The following DGKG variants were observed in gnomAD, a reference collection of about 807,000 sequenced individuals.
DGKG encodes diacylglycerol kinase gamma.
Under a neutral mutation model 105.3 loss-of-function variants are expected in DGKG, and 78 were observed. That is an observed-to-expected ratio of 0.74 (90% CI 0.62 to 0.89). DGKG has a LOEUF of 0.89. Among genes scored for constraint, DGKG ranks in the 40% least tolerant of loss-of-function variants. The pLI, the probability that DGKG is intolerant of heterozygous loss-of-function variation, is 0.00. For missense variants in DGKG, 958 were observed against 1,020.1 expected (o/e 0.94, Z 0.83); for synonymous variants, 346 against 367.1 (o/e 0.94, Z 0.66).
chr3:186,337,431 A>G (rs1334084191), intron 1 of DGKG, among the ~76,000 whole-genome samples: 1 of 152,142 alleles, frequency 6.6e-6, no homozygotes, highest in African/African-American at 2.4e-5. Context: ...AAACAAACAA[A>G]ACCTTTAAGC....
At chr3:186,285,679 C>CTTTTTTTT (rs34275225) in intron 6 of DGKG, among the ~76,000 whole-genome samples, 2 of 133,246 alleles carry the variant, frequency 1.5e-5, no homozygotes, top group Admixed American at 1.5e-4. Flanking sequence ...TTCTTTCTTT[C>CTTTTTTTT]TTTTTTTTTT....
chr3:186,253,813 G>A (rs181634657), intron 17 of DGKG, among the ~76,000 whole-genome samples: 1 of 152,178 alleles, frequency 6.6e-6, no homozygotes, highest in Non-Finnish European at 1.5e-5. Context: ...AACAGGTGGG[G>A]CTAGGACACT....
At chr3:186,278,813 A>G (rs2108593499) in intron 9 of DGKG, among the ~76,000 whole-genome samples, 1 of 152,226 alleles carries the variant, frequency 6.6e-6, no homozygotes, top group South Asian at 2.1e-4. Flanking sequence ...CTCTCTATGG[A>G]ATAGTCTCAA....
chr3:186,231,235 T>C lies in DGKG; in HGVS notation c.1826+11269A>G, dbSNP rs1179031736. Among the ~76,000 whole-genome samples, 1 of 152,176 alleles carries C rather than the reference T, an allele frequency of 6.6e-6. No homozygotes were observed. Among genetic ancestry groups the C allele is most frequent in the Non-Finnish European group, 1.5e-5 (1 of 68,030 alleles). ...TTTTCTCATGGGCCCTTTAATCATA[T>C]CTATGGCTCTTTTCTAGTCTTTTTT... On this transcript the variant is annotated intron_variant, in intron 20 of 24. Transcript: ENST00000265022. The surrounding 1 kb of genome is among the most constrained non-coding windows in gnomAD (Gnocchi z 4.5).
intron 5 of DGKG, among the ~76,000 whole-genome samples, chr3:186,290,429 C>T (rs1463939204): frequency 6.6e-6 from 1 of 152,202 alleles, no homozygotes; most frequent in African/African-American, 2.4e-5. Context: ...AATTAAAACT[C>T]TATCAGTGAC....
At chr3:186,324,566 A>G (rs1417705250) in intron 1 of DGKG, among the ~76,000 whole-genome samples, 2 of 151,972 alleles carry the variant, frequency 1.3e-5, no homozygotes, top group Admixed American at 1.3e-4. Flanking sequence ...GGCAAAGGGC[A>G]CAAACACACT....
intron 20 of DGKG, among the ~76,000 whole-genome samples, chr3:186,215,989 C>G (rs1433235725): frequency 1.3e-5 from 2 of 151,246 alleles, no homozygotes; most frequent in African/African-American, 4.9e-5. Context: ...CCCTGCCCCA[C>G]CCCCCAAACC....
chr3:186,255,787 G>A (rs1721437755), intron 17 of DGKG, among the ~76,000 whole-genome samples: 1 of 152,150 alleles, frequency 6.6e-6, no homozygotes, highest in Non-Finnish European at 1.5e-5. Flanking sequence ...GGTGTAGGGA[G>A]AGAACAGATC....
chr3:186,172,239 A>G lies in DGKG; in HGVS notation c.2096-7221T>C, dbSNP rs79444820. ...TCCTGATTTGGACTCGCCTTTTGCA[A>G]TGCCTTTGGGAAGTGTGGGATATCC... On this transcript the variant is annotated intron_variant, in intron 22 of 24. Transcript: ENST00000265022. 9.1e-3 allele frequency among the ~76,000 whole-genome samples: 1,388 copies of G among 152,298 alleles called. 26 individuals carry two copies. Among genetic ancestry groups the G allele is most frequent in the African/African-American group, 0.032 (1,320 of 41,554 alleles).
intron 20 of DGKG, among the ~76,000 whole-genome samples, chr3:186,227,789 G>A (rs143269388): frequency 8.5e-5 from 13 of 152,054 alleles, no homozygotes; most frequent in African/African-American, 2.2e-4. Flanking sequence ...ATAATAAAAC[G>A]CATGCAATTA....
chr3:186,222,592 C>T (rs1225593409), intron 20 of DGKG, among the ~76,000 whole-genome samples: 1 of 152,178 alleles, frequency 6.6e-6, no homozygotes, highest in Non-Finnish European at 1.5e-5. Flanking sequence ...CCTGTAATCC[C>T]AGCACTTTGG....
At chr3:186,278,021 G>T (rs1722662676) in intron 9 of DGKG, among the ~76,000 whole-genome samples, 2 of 152,250 alleles carry the variant, frequency 1.3e-5, no homozygotes, top group South Asian at 2.1e-4. Flanking sequence ...AACTAAACTT[G>T]CATTGGCCAC....
intron 24 of DGKG, among the ~76,000 whole-genome samples, chr3:186,156,593 T>C (rs1418109121): frequency 2.0e-5 from 3 of 152,092 alleles, no homozygotes; most frequent in Non-Finnish European, 4.4e-5. Flanking sequence ...GTTTGTAGAG[T>C]TAAAGAAACA....
intron 21 of DGKG, among the ~76,000 whole-genome samples, chr3:186,207,925 C>T (rs1718826815): frequency 6.6e-6 from 1 of 152,258 alleles, no homozygotes; most frequent in Admixed American, 6.5e-5. Flanking sequence ...CCAGTTGGCC[C>T]AGTTGGCCAC....
At chr3:186,347,029 C>A (rs1255226444) in intron 1 of DGKG, among the ~76,000 whole-genome samples, 1 of 152,020 alleles carries the variant, frequency 6.6e-6, no homozygotes, top group Non-Finnish European at 1.5e-5. Flanking sequence ...ACCCTCCTTT[C>A]TTTTTGTTTG....
In DGKG at chr3:186,149,017, C is replaced by A. The variant is rs1427743796; in HGVS notation, c.*1073G>T. 6 of 976,242 alleles carry A rather than the reference C, an allele frequency of 6.1e-6. No homozygotes were observed. The highest frequency in any genetic ancestry group is 7.3e-6 in the Non-Finnish European group (6 of 824,110). The allele number at this position is 976,242 out of a possible 1,614,324, so 60.5% of individuals were successfully genotyped here. On this transcript the variant is annotated 3_prime_UTR_variant, in exon 25 of 25. Coordinates refer to ENST00000265022, the MANE Select transcript of DGKG (RefSeq NM_001346.3). ...ATATATATATATACACGCACACACA[C>A]ACACACACGCGCGCACACACGTTAA...
chr3:186,272,834 T>C (rs1722382277), intron 10 of DGKG, among the ~76,000 whole-genome samples: 1 of 152,170 alleles, frequency 6.6e-6, no homozygotes, highest in Non-Finnish European at 1.5e-5. Context: ...TTCTCCTGCC[T>C]CAGCCTCCCG....
intron 20 of DGKG, among the ~76,000 whole-genome samples, chr3:186,232,389 G>A (rs1720193978): frequency 6.6e-6 from 1 of 152,172 alleles, no homozygotes; most frequent in Admixed American, 6.5e-5. Context: ...ATAGCGCTGA[G>A]TGTTTATTTC....
intron 21 of DGKG, among the ~76,000 whole-genome samples, chr3:186,207,149 A>C (rs1201837525): frequency 6.6e-6 from 1 of 152,210 alleles, no homozygotes; most frequent in African/African-American, 2.4e-5. Context: ...GGTCTCATAG[A>C]AGAAGCATCT....
Sources: gnomAD v4.1 joint callset for allele counts (sites outside exome capture counted in the v4.1 genomes callset) on GRCh38, gnomAD v4.1.1 for gene constraint, Gnocchi (gnomAD v3.1) non-coding constraint, MANE v1.5 for transcripts, NCBI Gene and HGNC (gene_info 2026-07-23, HGNC 2026-07-21) for gene names.